Variants in CNTNAP2 observed in about 807,000 individuals in gnomAD.
The protein encoded by CNTNAP2 is contactin associated protein 2.
A neutral mutation model predicts 155.2 loss-of-function variants in CNTNAP2; 98 were observed. The ratio of observed to expected loss-of-function variants is 0.63; its 90% CI spans 0.54 to 0.75. CNTNAP2 has a LOEUF of 0.75. Among genes scored for constraint, CNTNAP2 ranks in the 30% least tolerant of loss-of-function variants. The pLI is 0.00. For synonymous variants in CNTNAP2, 651 were observed against 631.2 expected (o/e 1.03, Z -0.47); for missense variants, 1,727 against 1,688.1 (o/e 1.02, Z -0.40).
At chr7:147,402,804 A>T (rs1796939273) in intron 10 of CNTNAP2, among the ~76,000 whole-genome samples, 1 of 152,134 alleles carries the variant, frequency 6.6e-6, no homozygotes, top group African/African-American at 2.4e-5. Context: ...ACAGCCACTC[A>T]GGCTGACATG....
At chr7:146,511,308 G>A (rs1473657058) in intron 1 of CNTNAP2, among the ~76,000 whole-genome samples, 1 of 152,186 alleles carries the variant, frequency 6.6e-6, no homozygotes, top group Admixed American at 6.5e-5. Flanking sequence ...GCTCTGGCTA[G>A]TACTTACCTA....
intron 15 of CNTNAP2, among the ~76,000 whole-genome samples, chr7:148,067,791 C>G (rs1490240918): frequency 1.3e-5 from 2 of 152,240 alleles, no homozygotes; most frequent in African/African-American, 4.8e-5. Context: ...TTAGGCGTGT[C>G]TGAGCTCAGC....
At chr7:148,151,452 T>C (rs1805294082) in intron 17 of CNTNAP2, among the ~76,000 whole-genome samples, 2 of 152,184 alleles carry the variant, frequency 1.3e-5, no homozygotes, top group South Asian at 4.2e-4. Context: ...ATTACAGGCA[T>C]GTGCCACCGT....
At chr7:148,178,251 C>T (rs1221043047) in intron 18 of CNTNAP2, among the ~76,000 whole-genome samples, 1 of 152,152 alleles carries the variant, frequency 6.6e-6, no homozygotes, top group Non-Finnish European at 1.5e-5. Flanking sequence ...TGTTCATATG[C>T]CAAACCAGGA....
intron 14 of CNTNAP2, among the ~76,000 whole-genome samples, chr7:147,925,284 G>GTGCA (rs1554450434): frequency 1.3e-4 from 3 of 23,982 alleles, no homozygotes; most frequent in Non-Finnish European, 8.1e-5. Flanking sequence ...ACACACACAA[G>GTGCA]CGCGCGCGCA....
chr7:147,011,949 C>G (rs1798635710), intron 3 of CNTNAP2, among the ~76,000 whole-genome samples: 1 of 152,184 alleles, frequency 6.6e-6, no homozygotes, highest in South Asian at 2.1e-4. Context: ...TAGACCAGAT[C>G]CTTTTGTCTA....
intron 21 of CNTNAP2, among the ~76,000 whole-genome samples, chr7:148,284,412 A>G (rs1797046127): frequency 1.3e-5 from 2 of 152,024 alleles, no homozygotes; most frequent in South Asian, 4.2e-4. Context: ...TGCCATGATT[A>G]TGAGGCCTCC....
intron 8 of CNTNAP2, chr7:147,167,503 C>T: frequency 1.2e-6 from 1 of 869,528 alleles, no homozygotes; most frequent in African/African-American, 1.7e-5. Flanking sequence ...ATGGACCCAG[C>T]TTTGACAGAG....
chr7:146,681,056 A>G (rs1487945058), intron 1 of CNTNAP2, among the ~76,000 whole-genome samples: 1 of 152,110 alleles, frequency 6.6e-6, no homozygotes, highest in Non-Finnish European at 1.5e-5. Flanking sequence ...ACTTTTGAAT[A>G]CTCTAAAATA....
At chr7:146,654,256 A>G (rs915417278) in intron 1 of CNTNAP2, among the ~76,000 whole-genome samples, 2 of 152,010 alleles carry the variant, frequency 1.3e-5, no homozygotes, top group Non-Finnish European at 2.9e-5. Context: ...ATTTACTGTC[A>G]GGGAGCTGGG....
At chr7:146,424,208 A>G (rs540134157) in intron 1 of CNTNAP2, among the ~76,000 whole-genome samples, 66 of 152,312 alleles carry the variant, frequency 4.3e-4, no homozygotes, top group African/African-American at 1.6e-3. Flanking sequence ...GTTGAATTGA[A>G]CTATGCTTTT....
At position 147,995,344 on chromosome 7, in the gene CNTNAP2, G is replaced by A. The variant is rs189912542; in HGVS notation, c.2383+17355G>A. Among the ~76,000 whole-genome samples, 15 of 152,112 alleles carry A rather than the reference G, an allele frequency of 9.9e-5. 1 individual carries two copies. The East Asian group carries it at 2.7e-3, about 27-fold the overall frequency. On this transcript the variant is annotated intron_variant, in intron 15 of 23. Transcript: ENST00000361727. Reference sequence around the variant, plus strand: ...GGAAGCACTTCTCCAGCACAAGGATGCTGCCTCTCTCCTTCCCCTGCTCCC... The same window carrying A: ...GGAAGCACTTCTCCAGCACAAGGATACTGCCTCTCTCCTTCCCCTGCTCCC...
chr7:147,216,512 C>G (rs1180154251), intron 8 of CNTNAP2, among the ~76,000 whole-genome samples: 2 of 151,852 alleles, frequency 1.3e-5, no homozygotes, highest in East Asian at 1.9e-4. Context: ...CTGTTATGTT[C>G]CATTTATCTA....
chr7:147,597,866 T>A (rs1800855275), intron 12 of CNTNAP2, among the ~76,000 whole-genome samples: 1 of 152,220 alleles, frequency 6.6e-6, no homozygotes, highest in Non-Finnish European at 1.5e-5. Context: ...GGTTCTTTGC[T>A]AGCCACCCAT....
chr7:147,821,175 A>G (rs1798353779), intron 13 of CNTNAP2, among the ~76,000 whole-genome samples: 1 of 152,138 alleles, frequency 6.6e-6, no homozygotes, highest in Non-Finnish European at 1.5e-5. Flanking sequence ...TTTTTATTAT[A>G]TTTTTAAACA....
chr7:147,284,839 TA>T (rs1320089935), intron 8 of CNTNAP2, among the ~76,000 whole-genome samples: 2 of 151,802 alleles, frequency 1.3e-5, no homozygotes, highest in Non-Finnish European at 2.9e-5. Context: ...CCTTGAGAGG[TA>T]CCTTTCAAGG....
At chr7:146,933,191 T>C (rs1022387780) in intron 3 of CNTNAP2, among the ~76,000 whole-genome samples, 3 of 151,658 alleles carry the variant, frequency 2.0e-5, no homozygotes, top group Non-Finnish European at 2.9e-5. Flanking sequence ...CAAAGTATAC[T>C]ATAAGGCTAC....
chr7:147,718,044 G>A (rs567331791), intron 13 of CNTNAP2, among the ~76,000 whole-genome samples: 14 of 151,876 alleles, frequency 9.2e-5, no homozygotes, highest in African/African-American at 3.1e-4. Flanking sequence ...TTGAAATCAA[G>A]GATAAATTCA....
intron 1 of CNTNAP2, among the ~76,000 whole-genome samples, chr7:146,368,816 A>G (rs1369072906): frequency 6.7e-6 from 1 of 149,476 alleles, no homozygotes; most frequent in East Asian, 2.0e-4. Flanking sequence ...CAAATTCACT[A>G]CTACTTGATT....
Sources: allele counts gnomAD v4.1 joint callset (sites outside exome capture counted in the v4.1 genomes callset), GRCh38; gene constraint gnomAD v4.1.1; transcripts MANE v1.5; gene names NCBI Gene and HGNC (gene_info 2026-07-23, HGNC 2026-07-21).